NKAIN3: variants seen among roughly 807,000 people sequenced by gnomAD.
NKAIN3 encodes the protein sodium/potassium transporting ATPase interacting 3, also known as sodium/potassium-transporting ATPase subunit beta-1-interacting protein 3.
Under a neutral mutation model 30.2 loss-of-function variants are expected in NKAIN3, and 25 were observed. The observed-to-expected ratio is 0.83, with a 90% CI of 0.60 to 1.16. The LOEUF is 1.16. NKAIN3 is among the 50% of genes most tolerant of loss of function. NKAIN3 has a pLI of 0.00. For missense variants in NKAIN3, 225 were observed against 254.1 expected, an observed-to-expected ratio of 0.89 and a Z score of 0.78; for synonymous variants, 91 against 89.6, an observed-to-expected ratio of 1.02 and a Z score of -0.09.
At chr8:62,864,639 T>C (rs927825005) in intron 4 of NKAIN3, among the ~76,000 whole-genome samples, 4 of 152,200 alleles carry the variant, frequency 2.6e-5, no homozygotes, top group Admixed American at 6.5e-5. Context: ...CCTTAGAACC[T>C]GTGGCCTGCA....
intron 4 of NKAIN3, among the ~76,000 whole-genome samples, chr8:62,839,904 C>T (rs1303803443): frequency 6.6e-6 from 1 of 152,146 alleles, no homozygotes; most frequent in East Asian, 1.9e-4. Context: ...TGAACCACCA[C>T]ACCCAGCCTG....
At position 62,672,861 on chromosome 8, in the gene NKAIN3, AT is replaced by A. The variant is rs564094292; in HGVS notation, c.274-74065del. ...CAGTCAATTTTATCTAAAAAAATTG[AT>A]TTTTTCTCCTATATACCATGTAAAT... is the stretch of plus-strand genomic sequence containing the variant. On this transcript the variant is annotated intron_variant, in intron 3 of 6. Coordinates refer to ENST00000623646, the MANE Select transcript of NKAIN3 (RefSeq NM_001304533.3). Among the ~76,000 whole-genome samples, 268 of 152,194 alleles carry A rather than the reference AT, an allele frequency of 1.8e-3. 1 individual carries two copies. The highest frequency in any genetic ancestry group is 3.3e-3 in the African/African-American group (138 of 41,534).
rs1452181992 is a variant in NKAIN3 at position 62,433,993 on chromosome 8, C to G, written c.55-145546C>G. Among the ~76,000 whole-genome samples the G allele has an allele frequency of 3.9e-5, 6 of 152,110 alleles. 1 individual carries two copies. Among genetic ancestry groups the G allele is most frequent in the Non-Finnish European group, 7.3e-5 (5 of 68,036 alleles). ...CACTAAGAGCAGCAGTCAGCTGAGTCCTGGGCACACAGATATGAGCATGGC... is the reference window on the plus strand; with the variant it reads ...CACTAAGAGCAGCAGTCAGCTGAGTGCTGGGCACACAGATATGAGCATGGC... On this transcript the variant is annotated intron_variant, in intron 1 of 6. Transcript: ENST00000623646.
intron 3 of NKAIN3, among the ~76,000 whole-genome samples, chr8:62,628,556 C>A (rs1232850083): frequency 6.6e-6 from 1 of 152,062 alleles, no homozygotes; most frequent in Non-Finnish European, 1.5e-5. Context: ...AATGCTAAAT[C>A]ATTGTTAAGT....
chr8:62,324,136 G>C (rs1463854426), intron 1 of NKAIN3, among the ~76,000 whole-genome samples: 1 of 151,712 alleles, frequency 6.6e-6, no homozygotes, highest in African/African-American at 2.4e-5. Flanking sequence ...TATCAATATA[G>C]ACTCAACAAT....
intron 3 of NKAIN3, among the ~76,000 whole-genome samples, chr8:62,670,604 T>G (rs1447304182): frequency 7.9e-6 from 1 of 126,494 alleles, no homozygotes; most frequent in African/African-American, 3.8e-5. Context: ...GGCCCCAGTT[T>G]TCTTTTGTAT....
At chr8:62,360,283 A>C (rs1816510470) in intron 1 of NKAIN3, among the ~76,000 whole-genome samples, 1 of 152,218 alleles carries the variant, frequency 6.6e-6, no homozygotes, top group Non-Finnish European at 1.5e-5. Flanking sequence ...ATTGTGTCTA[A>C]ATCCCTGATT....
chr8:62,617,422 C>G (rs973682824), intron 3 of NKAIN3, among the ~76,000 whole-genome samples: 1 of 152,130 alleles, frequency 6.6e-6, no homozygotes, highest in East Asian at 1.9e-4. Context: ...GAAAAGAGCT[C>G]TTGGAAGGAC....
At chr8:62,898,034 A>G (rs1407248289) in intron 4 of NKAIN3, among the ~76,000 whole-genome samples, 1 of 152,178 alleles carries the variant, frequency 6.6e-6, no homozygotes, top group Non-Finnish European at 1.5e-5. Context: ...CATGCACCTC[A>G]AGGTGCAAAT....
chr8:62,321,220 A>G (rs1481663450), intron 1 of NKAIN3, among the ~76,000 whole-genome samples: 1 of 152,066 alleles, frequency 6.6e-6, no homozygotes, highest in African/African-American at 2.4e-5. Flanking sequence ...TGGTTATTCT[A>G]GTTAGCCATT....
chr8:62,461,119 G>T (rs1025988917), intron 1 of NKAIN3, among the ~76,000 whole-genome samples: 1 of 152,170 alleles, frequency 6.6e-6, no homozygotes, highest in African/African-American at 2.4e-5. Context: ...ATGCAGAGTT[G>T]CAGATGCCTT....
intron 4 of NKAIN3, among the ~76,000 whole-genome samples, chr8:62,752,587 T>C (rs894535939): frequency 1.3e-5 from 2 of 152,202 alleles, no homozygotes; most frequent in Non-Finnish European, 2.9e-5. Context: ...TATATTCTCA[T>C]ATTTTCATGA....
intron 3 of NKAIN3, among the ~76,000 whole-genome samples, chr8:62,654,740 C>CCACA (rs760861206): frequency 3.2e-4 from 48 of 152,160 alleles, no homozygotes; most frequent in Admixed American, 5.9e-4. Flanking sequence ...CAAAAATTTA[C>CCACA]CACACATACA....
chr8:62,994,616 G>C (rs1253808663), intron 5 of NKAIN3, among the ~76,000 whole-genome samples: 1 of 152,110 alleles, frequency 6.6e-6, no homozygotes, highest in Non-Finnish European at 1.5e-5. Context: ...AGTGTCAAAG[G>C]CTACTGAGAG....
At chr8:62,993,930 T>C (rs1804040380) in intron 5 of NKAIN3, among the ~76,000 whole-genome samples, 2 of 152,312 alleles carry the variant, frequency 1.3e-5, no homozygotes, top group South Asian at 2.1e-4. Context: ...CCATAACTTA[T>C]AAACCATCTT....
At chr8:62,863,684 T>C (rs1820328233) in intron 4 of NKAIN3, 1 of 1,434,818 alleles carries the variant, frequency 7.0e-7, no homozygotes, top group Non-Finnish European at 9.8e-7. Flanking sequence ...TTTTATTTCA[T>C]CCAAGGCTGT....
chr8:62,346,200 T>C (rs1816001238), intron 1 of NKAIN3, among the ~76,000 whole-genome samples: 1 of 152,072 alleles, frequency 6.6e-6, no homozygotes, highest in African/African-American at 2.4e-5. Context: ...TATTTCAAGA[T>C]AGCTGAAAAA....
At chr8:62,767,138 A>T (rs1251216948) in intron 4 of NKAIN3, among the ~76,000 whole-genome samples, 1 of 152,086 alleles carries the variant, frequency 6.6e-6, no homozygotes, top group Non-Finnish European at 1.5e-5. Flanking sequence ...TTCCCTCCGC[A>T]TGGTGAAGGT....
intron 1 of NKAIN3, among the ~76,000 whole-genome samples, chr8:62,271,060 A>G (rs1812763613): frequency 6.6e-6 from 1 of 152,232 alleles, no homozygotes; most frequent in Non-Finnish European, 1.5e-5. Context: ...GAAACATAAG[A>G]AAAAACATCC....
Sources: allele counts gnomAD v4.1 joint callset (sites outside exome capture counted in the v4.1 genomes callset), GRCh38; gene constraint gnomAD v4.1.1; transcripts MANE v1.5; gene names NCBI Gene and HGNC (gene_info 2026-07-23, HGNC 2026-07-21).